The following FYCO1 variants were observed in gnomAD, a reference collection of about 807,000 sequenced individuals.
FYCO1 encodes FYVE and coiled-coil domain autophagy adaptor 1, also known as FYVE and coiled-coil domain-containing protein 1.
A neutral mutation model predicts 165.1 loss-of-function variants in FYCO1; 122 were observed. The ratio of observed to expected loss-of-function variants is 0.74; its 90% CI spans 0.64 to 0.86. The LOEUF is 0.86. Ranked by LOEUF, FYCO1 falls within the 40% of genes least tolerant of loss-of-function variation. The probability of loss-of-function intolerance (pLI) is 0.00; values close to 1 mark genes in which losing one functional copy is unlikely to be tolerated. For missense variants in FYCO1, 1,702 were observed against 1,810.3 expected (o/e 0.94, Z 1.09); for synonymous variants, 648 against 742.5 (o/e 0.87, Z 2.07).
intron 16 of FYCO1, among the ~76,000 whole-genome samples, chr3:45,925,730 G>A (rs773516949): frequency 6.6e-6 from 1 of 152,122 alleles, no homozygotes; most frequent in African/African-American, 2.4e-5. Context: ...ACTGGGGTGA[G>A]AGTACCATGA....
chr3:45,991,520 C>A (rs550745640), intron 1 of FYCO1, among the ~76,000 whole-genome samples: 10 of 152,340 alleles, frequency 6.6e-5, no homozygotes, highest in Admixed American at 3.3e-4. Flanking sequence ...TGTGGCTGGG[C>A]CCTGCCTCCA....
rs1705277091 is a variant in FYCO1, at chr3:45,955,809, A to C, written c.3800-416T>G. Among the ~76,000 whole-genome samples the C allele has an allele frequency of 2.0e-5, 3 of 152,362 alleles. No individual in the cohort carries two copies. The South Asian group carries it at 6.2e-4, about 32-fold the overall frequency. On this transcript the variant is annotated intron_variant, in intron 13 of 17. Coordinates refer to ENST00000296137, the MANE Select transcript of FYCO1 (RefSeq NM_024513.4). ...CAGTACTTATTCATGTATTTTTGAA[A>C]GCAGGAGTCTGTCTGACCTGCATTT...
intron 16 of FYCO1, among the ~76,000 whole-genome samples, chr3:45,926,962 C>T (rs1453002310): frequency 1.8e-4 from 24 of 133,492 alleles, no homozygotes; most frequent in African/African-American, 6.4e-4. Flanking sequence ...GAAACTGTCT[C>T]AAAAAAAAAA....
At chr3:45,950,878 G>C (rs1575352662) in intron 14 of FYCO1, among the ~76,000 whole-genome samples, 2 of 152,146 alleles carry the variant, frequency 1.3e-5, no homozygotes, top group African/African-American at 2.4e-5. Flanking sequence ...GCGCAAGGTG[G>C]CTTTGTAACC....
At chr3:45,959,636 C>T in intron 11 of FYCO1, 94 bp from the exon 12 acceptor site, 1 of 1,357,108 alleles carries the variant, frequency 7.4e-7, no homozygotes, top group Non-Finnish European at 1.0e-6. Flanking sequence ...ATCAAATTTC[C>T]TAAGTCATAG....
chr3:45,980,114 T>G (rs1706973203), intron 3 of FYCO1, among the ~76,000 whole-genome samples: 1 of 152,124 alleles, frequency 6.6e-6, no homozygotes, highest in South Asian at 2.1e-4. Flanking sequence ...TTTGGGAGGC[T>G]GAGGTGGGTG....
chr3:45,973,058 TCTTTTAAAC>T, intron 6 of FYCO1, 21 bp downstream of exon 6: 1 of 1,613,664 alleles, frequency 6.2e-7, no homozygotes. Flanking sequence ...TCTTTTCCTG[TCTTTTAAAC>T]CAAGCAATCC....
intron 13 of FYCO1, among the ~76,000 whole-genome samples, chr3:45,958,057 G>T (rs1202854122): frequency 1.3e-5 from 2 of 152,226 alleles, no homozygotes; most frequent in African/African-American, 4.8e-5. Flanking sequence ...GATGGTTCCA[G>T]ACACAACTCC....
At chr3:45,957,361 A>G (rs1705397815) in intron 13 of FYCO1, among the ~76,000 whole-genome samples, 1 of 152,264 alleles carries the variant, frequency 6.6e-6, no homozygotes, top group African/African-American at 2.4e-5. Context: ...ATGACAACAA[A>G]AAGAAAAACA....
chr3:45,936,397 C>T, intron 15 of FYCO1, 51 bp downstream of exon 15: 6 of 1,269,874 alleles, frequency 4.7e-6, no homozygotes, highest in Non-Finnish European at 6.9e-6. Context: ...GAGGCCAGTG[C>T]TCCTCCCAAT....
chr3:45,986,742 A>C (rs957293207), intron 1 of FYCO1, among the ~76,000 whole-genome samples: 2 of 152,138 alleles, frequency 1.3e-5, no homozygotes, highest in Non-Finnish European at 2.9e-5. Context: ...CTTTATGAGA[A>C]GCCTGCCTGC....
chr3:45,939,151 T>G (rs529094771), intron 14 of FYCO1, among the ~76,000 whole-genome samples: 1 of 152,322 alleles, frequency 6.6e-6, no homozygotes, highest in Non-Finnish European at 1.5e-5. Flanking sequence ...GTCAGTTGAG[T>G]GAATATCTCT....
chr3:45,934,856 G>T (rs1341765216), intron 15 of FYCO1, among the ~76,000 whole-genome samples: 1 of 152,170 alleles, frequency 6.6e-6, no homozygotes, highest in African/African-American at 2.4e-5. Context: ...ATTTCCTCAG[G>T]ATAAATTCCC....
intron 17 of FYCO1, among the ~76,000 whole-genome samples, chr3:45,922,579 G>T (rs376489888): frequency 7.2e-5 from 11 of 152,198 alleles, no homozygotes; most frequent in Admixed American, 7.2e-4. Flanking sequence ...GCTCCAAAGA[G>T]AGCTCTCTGG....
chr3:45,981,995 T>G lies in FYCO1; in HGVS notation c.56-319A>C, dbSNP rs572491469. ...TTGCTGTGTGGATGAATCAATTCAG[T>G]CCCTGAATACTGACTTCCAGAAAGC... On this transcript the variant is annotated intron_variant, in intron 2 of 17. Coordinates refer to ENST00000296137, the MANE Select transcript of FYCO1 (RefSeq NM_024513.4). 6.6e-5 allele frequency among the ~76,000 whole-genome samples: 10 copies of G among 152,306 alleles called. No individual in the cohort carries two copies. In the South Asian group the frequency reaches 2.1e-3, roughly 32 times the overall value.
intron 5 of FYCO1, 63 bp from the exon 6 acceptor site, chr3:45,973,294 CCACTG>C: frequency 6.5e-7 from 1 of 1,535,126 alleles, no homozygotes; most frequent in Non-Finnish European, 9.0e-7. Context: ...CTCAGTCCTC[CCACTG>C]TGGCTCTGCC....
intron 14 of FYCO1, among the ~76,000 whole-genome samples, chr3:45,950,438 G>A (rs1007435011): frequency 2.6e-5 from 4 of 152,214 alleles, no homozygotes; most frequent in East Asian, 1.9e-4. Flanking sequence ...GGTGTCCTCC[G>A]TAGGTGTTCT....
At chr3:45,963,606 C>T (rs982577100) in intron 10 of FYCO1, among the ~76,000 whole-genome samples, 24 of 152,224 alleles carry the variant, frequency 1.6e-4, no homozygotes, top group African/African-American at 4.6e-4. Context: ...GCTGGTGGCA[C>T]ACATGCAATT....
intron 14 of FYCO1, among the ~76,000 whole-genome samples, chr3:45,952,470 GT>G (rs1216503160): frequency 6.6e-6 from 1 of 152,162 alleles, no homozygotes; most frequent in Non-Finnish European, 1.5e-5. Flanking sequence ...CACAAAAAAA[GT>G]GTCTGACAAC....
Sources: gnomAD v4.1 joint callset for allele counts (sites outside exome capture counted in the v4.1 genomes callset) on GRCh38, gnomAD v4.1.1 for gene constraint, MANE v1.5 for transcripts, NCBI Gene and HGNC (gene_info 2026-07-23, HGNC 2026-07-21) for gene names.